HNF4G: variants seen among roughly 807,000 people sequenced by gnomAD.
The protein encoded by HNF4G is hepatocyte nuclear factor 4 gamma.
In HNF4G, 21 loss-of-function variants were observed where a neutral mutation model predicts 50.9. That is an observed-to-expected ratio of 0.41 (90% CI 0.29 to 0.59). The LOEUF is 0.59. Ranked by LOEUF, HNF4G falls within the 20% of genes least tolerant of loss-of-function variation. HNF4G has a pLI of 0.26. For synonymous variants in HNF4G, 198 were observed against 185.6 expected (o/e 1.07, Z -0.54); for missense variants, 527 against 559.4 (o/e 0.94, Z 0.58).
intron 1 of HNF4G, among the ~76,000 whole-genome samples, chr8:75,462,427 T>G (rs1811876566): frequency 1.3e-5 from 2 of 152,094 alleles, no homozygotes; most frequent in African/African-American, 4.8e-5. Context: ...CAGAGTGGAT[T>G]CAGGACAAAG....
intron 1 of HNF4G, among the ~76,000 whole-genome samples, chr8:75,476,519 TC>T (rs1444896773): frequency 1.6e-4 from 25 of 152,262 alleles, no homozygotes; most frequent in African/African-American, 6.0e-4. Flanking sequence ...GGTTAATGTT[TC>T]TTTTTGCACT....
chr8:75,487,873 C>T (rs1291113766), intron 1 of HNF4G, among the ~76,000 whole-genome samples: 1 of 152,118 alleles, frequency 6.6e-6, no homozygotes, highest in African/African-American at 2.4e-5. Flanking sequence ...AGGAAACTCA[C>T]AATCATGGTG....
chr8:75,476,969 T>G (rs1812256579), intron 1 of HNF4G, among the ~76,000 whole-genome samples: 1 of 152,192 alleles, frequency 6.6e-6, no homozygotes, highest in Non-Finnish European at 1.5e-5. Flanking sequence ...GTATAAACAT[T>G]TTGTTTAATG....
At chr8:75,425,130 G>C (rs1017292737) in intron 1 of HNF4G, among the ~76,000 whole-genome samples, 1 of 151,062 alleles carries the variant, frequency 6.6e-6, no homozygotes, top group Non-Finnish European at 1.5e-5. Context: ...CAGCCACCTG[G>C]GCTGGAGTGC....
intron 1 of HNF4G, among the ~76,000 whole-genome samples, chr8:75,540,943 A>G (rs1266484943): frequency 6.6e-6 from 1 of 151,586 alleles, no homozygotes; most frequent in Non-Finnish European, 1.5e-5. Flanking sequence ...ACTGTATTGT[A>G]TAATTTGTAT....
chr8:75,496,790 C>T (rs909786071), intron 2 of HNF4G, among the ~76,000 whole-genome samples: 1 of 146,104 alleles, frequency 6.8e-6, no homozygotes, highest in Non-Finnish European at 1.5e-5. Flanking sequence ...GAAGCAGCAT[C>T]AAATACATTA....
intron 2 of HNF4G, among the ~76,000 whole-genome samples, chr8:75,530,244 C>A (rs1194292769): frequency 6.6e-6 from 1 of 152,120 alleles, no homozygotes; most frequent in East Asian, 1.9e-4. Context: ...GGGCACCAGA[C>A]TTTGTAGTTG....
intron 9 of HNF4G, among the ~76,000 whole-genome samples, chr8:75,562,136 ATT>A (rs11365236): frequency 1.3e-5 from 2 of 150,864 alleles, no homozygotes; most frequent in African/African-American, 2.4e-5. Flanking sequence ...TAGCTACAGC[ATT>A]TTTTTTTTCT....
intron 1 of HNF4G, among the ~76,000 whole-genome samples, chr8:75,418,929 G>GT (rs1256128695): frequency 6.6e-6 from 1 of 151,898 alleles, no homozygotes; most frequent in Non-Finnish European, 1.5e-5. Flanking sequence ...TTTTCTCCAT[G>GT]TTGGCCACAC....
At chr8:75,520,278 A>G (rs1806004805) in intron 2 of HNF4G, among the ~76,000 whole-genome samples, 2 of 152,126 alleles carry the variant, frequency 1.3e-5, no homozygotes, top group South Asian at 4.1e-4. Flanking sequence ...AAAGAGCTCA[A>G]TAGTAGTTAT....
At chr8:75,439,335 G>T (rs1426858502) in intron 1 of HNF4G, among the ~76,000 whole-genome samples, 2 of 151,872 alleles carry the variant, frequency 1.3e-5, no homozygotes, top group African/African-American at 4.8e-5. Flanking sequence ...GTTAAATGAT[G>T]AATTTTTTAC....
In HNF4G at chr8:75,497,556, C is replaced by T. The variant is rs182390772; in HGVS notation, c.-24+7348C>T. Among the ~76,000 whole-genome samples the T allele has an allele frequency of 6.3e-3, 951 of 151,814 alleles. 50 individuals carry two copies. The highest frequency in any genetic ancestry group is 0.058 in the Admixed American group (887 of 15,224). Reference sequence around the variant, plus strand: ...AAAATTAGCAGGGTGTGGTGGCAGGCGCCTGTAATCCCAGCTACTCGGGAG... The same window carrying T: ...AAAATTAGCAGGGTGTGGTGGCAGGTGCCTGTAATCCCAGCTACTCGGGAG... On this transcript the variant is annotated intron_variant, in intron 2 of 10. Coordinates refer to the HNF4G transcript ENST00000354370.
chr8:75,504,799 A>T (rs2130712922), intron 2 of HNF4G, among the ~76,000 whole-genome samples: 1 of 152,290 alleles, frequency 6.6e-6, no homozygotes, highest in Admixed American at 6.5e-5. Flanking sequence ...TTACAAATTA[A>T]AATGATCTCT....
At chr8:75,418,971 C>A (rs1810713734) in intron 1 of HNF4G, among the ~76,000 whole-genome samples, 1 of 152,098 alleles carries the variant, frequency 6.6e-6, no homozygotes, top group African/African-American at 2.4e-5. Flanking sequence ...AGGTGATCCG[C>A]CTGCCTCGGC....
At chr8:75,434,039 C>A (rs1385468493) in intron 1 of HNF4G, among the ~76,000 whole-genome samples, 4 of 141,374 alleles carry the variant, frequency 2.8e-5, no homozygotes, top group African/African-American at 1.1e-4. Context: ...AAGTCTCACT[C>A]TGCCGCCAGG....
chr8:75,511,843 G>A (rs1411573407), intron 2 of HNF4G, among the ~76,000 whole-genome samples: 1 of 152,220 alleles, frequency 6.6e-6, no homozygotes, highest in Non-Finnish European at 1.5e-5. Context: ...CTCCCAGAGT[G>A]CTGGGATTAC....
chr8:75,421,245 C>G (rs114835382), intron 1 of HNF4G, among the ~76,000 whole-genome samples: 2,402 of 152,274 alleles, frequency 0.016, 48 homozygotes, highest in Admixed American at 0.035. Flanking sequence ...CAGCACATCT[C>G]ACTTTCTCGC....
At chr8:75,533,674 C>G (rs1229516071) in intron 2 of HNF4G, among the ~76,000 whole-genome samples, 3 of 151,856 alleles carry the variant, frequency 2.0e-5, no homozygotes, top group African/African-American at 7.2e-5. Flanking sequence ...TCTAAAAATA[C>G]ATTTATCAAA....
chr8:75,470,737 G>A (rs1380768879), intron 1 of HNF4G, among the ~76,000 whole-genome samples: 2 of 152,114 alleles, frequency 1.3e-5, no homozygotes, highest in Admixed American at 6.5e-5. Context: ...TTGTGTCAAG[G>A]CAATAGTTAT....
Sources: gnomAD v4.1 joint callset for allele counts (sites outside exome capture counted in the v4.1 genomes callset) on GRCh38, gnomAD v4.1.1 for gene constraint, MANE v1.5 for transcripts, NCBI Gene and HGNC (gene_info 2026-07-23, HGNC 2026-07-21) for gene names.